Variants in GRIP1 observed in about 807,000 individuals in gnomAD.
GRIP1 encodes glutamate receptor-interacting protein 1.
Under a neutral mutation model 129.9 loss-of-function variants are expected in GRIP1, and 45 were observed. That is an observed-to-expected ratio of 0.35 (90% CI 0.27 to 0.44). The LOEUF is 0.44. GRIP1 is among the 20% of genes least tolerant of loss of function. The pLI, the probability that GRIP1 is intolerant of heterozygous loss-of-function variation, is 1.00. For synonymous variants in GRIP1, 530 were observed against 520.8 expected (o/e 1.02, Z -0.24); for missense variants, 1,196 against 1,396.8 (o/e 0.86, Z 2.29).
At chr12:66,939,462 A>C (rs891268976) in intron 1 of GRIP1, among the ~76,000 whole-genome samples, 9 of 152,200 alleles carry the variant, frequency 5.9e-5, no homozygotes, top group African/African-American at 1.9e-4. Flanking sequence ...GTAGCAGGAG[A>C]GGTAAGTATA....
intron 1 of GRIP1, among the ~76,000 whole-genome samples, chr12:66,980,275 T>C (rs1360431845): frequency 1.3e-5 from 2 of 152,190 alleles, no homozygotes; most frequent in Non-Finnish European, 2.9e-5. Flanking sequence ...AATGACAGCT[T>C]ACACATATTC....
intron 1 of GRIP1, among the ~76,000 whole-genome samples, chr12:66,942,397 C>T (rs1386183607): frequency 1.3e-5 from 2 of 151,718 alleles, no homozygotes; most frequent in Non-Finnish European, 2.9e-5. Context: ...CATAACATTG[C>T]TACTTCTGTT....
chr12:66,672,017 T>A (rs958368385), intron 1 of GRIP1, among the ~76,000 whole-genome samples: 1 of 152,182 alleles, frequency 6.6e-6, no homozygotes, highest in Non-Finnish European at 1.5e-5. Context: ...CTATGACAAG[T>A]GTGTGCTAAT....
chr12:67,053,189 T>A (rs2135857716), intron 1 of GRIP1, among the ~76,000 whole-genome samples: 1 of 152,268 alleles, frequency 6.6e-6, no homozygotes, highest in African/African-American at 2.4e-5. Context: ...AATGAATGCC[T>A]GAGGAATGCT....
intron 2 of GRIP1, among the ~76,000 whole-genome samples, chr12:66,570,246 T>C (rs1404870153): frequency 6.6e-6 from 1 of 152,050 alleles, no homozygotes; most frequent in East Asian, 1.9e-4. Context: ...GCCTCCTGAG[T>C]AGCTGGGAAT....
intron 1 of GRIP1, among the ~76,000 whole-genome samples, chr12:66,785,718 C>G (rs557944593): frequency 5.3e-5 from 8 of 151,904 alleles, no homozygotes; most frequent in Non-Finnish European, 1.2e-4. Context: ...TAAAATAAAG[C>G]CAAACAAAAC....
At chr12:66,418,106 C>T (rs186646615) in intron 15 of GRIP1, among the ~76,000 whole-genome samples, 2 of 152,184 alleles carry the variant, frequency 1.3e-5, no homozygotes, top group East Asian at 3.9e-4. Context: ...ACCAATGGAA[C>T]AGAATAGAGA....
chr12:66,350,161 G>A (rs1223598663), intron 24 of GRIP1, among the ~76,000 whole-genome samples: 4 of 151,792 alleles, frequency 2.6e-5, no homozygotes, highest in Non-Finnish European at 5.9e-5. Context: ...TTAACTGCTC[G>A]CTTTCAGTCC....
intron 1 of GRIP1, among the ~76,000 whole-genome samples, chr12:66,755,148 C>G (rs1234303682): frequency 6.6e-6 from 1 of 151,900 alleles, no homozygotes; most frequent in East Asian, 1.9e-4. Context: ...TAAAAAAATT[C>G]CAGAGTAGGA....
At chr12:66,997,833 A>T (rs7961054) in intron 1 of GRIP1, among the ~76,000 whole-genome samples, 126,165 of 152,142 alleles carry the variant, frequency 0.83, 52,819 homozygotes, top group African/African-American at 0.93. Context: ...AAACCTAGGT[A>T]TCTATGGCCT....
chr12:66,379,639 A>G (rs2056005645), intron 19 of GRIP1, among the ~76,000 whole-genome samples: 1 of 152,158 alleles, frequency 6.6e-6, no homozygotes, highest in African/African-American at 2.4e-5. Flanking sequence ...CCATCTTTGG[A>G]GGTAGATACT....
chr12:66,440,081 T>A (rs1414747370), intron 13 of GRIP1, among the ~76,000 whole-genome samples: 2 of 152,234 alleles, frequency 1.3e-5, no homozygotes, highest in Non-Finnish European at 2.9e-5. Flanking sequence ...CTTTTCACCC[T>A]TGCTTGACAG....
At chr12:66,902,369 G>A (rs1316326639) in intron 1 of GRIP1, among the ~76,000 whole-genome samples, 4 of 152,176 alleles carry the variant, frequency 2.6e-5, no homozygotes, top group African/African-American at 9.6e-5. Context: ...CCTTTACAAT[G>A]TGACATTAGT....
rs182321301 is a variant in GRIP1, at chr12:66,886,127, G to A, written c.58+182923C>T. ...AAAAATACAAACAAATTAGCCAGGC[G>A]TGGTGGGGCACGCCTGTAGTCCCAG... On this transcript the variant is annotated intron_variant, in intron 1 of 1. Coordinates refer to the GRIP1 transcript ENST00000643019. Among the ~76,000 whole-genome samples the A allele has an allele frequency of 4.9e-4, 74 of 152,152 alleles. 1 individual carries two copies. Among genetic ancestry groups the A allele is most frequent in the Admixed American group, 3.3e-3 (51 of 15,280 alleles).
chr12:66,442,354 C>A (rs12830213), intron 13 of GRIP1, among the ~76,000 whole-genome samples: 65,041 of 151,746 alleles, frequency 0.43, 14,606 homozygotes, highest in African/African-American at 0.56. Flanking sequence ...CTTTCCCTAG[C>A]ACGCCTCTTC....
intron 14 of GRIP1, among the ~76,000 whole-genome samples, chr12:66,422,626 AC>A (rs2057846913): frequency 6.6e-6 from 1 of 152,210 alleles, no homozygotes; most frequent in Non-Finnish European, 1.5e-5. Context: ...GTAAAACCAA[AC>A]AATAGTAGAG....
chr12:66,924,089 C>A (rs1219843688), intron 1 of GRIP1, among the ~76,000 whole-genome samples: 1 of 152,102 alleles, frequency 6.6e-6, no homozygotes, highest in East Asian at 1.9e-4. Flanking sequence ...AGGTGATTCA[C>A]CCCCCTCGGC....
intron 9 of GRIP1, 137 bp downstream of exon 9, chr12:66,462,787 G>A (rs2059170635): frequency 1.6e-6 from 1 of 610,804 alleles, no homozygotes; most frequent in Admixed American, 2.7e-5. Context: ...GGGGGACAGA[G>A]TGAGACTCCA....
intron 6 of GRIP1, 69 bp from the exon 7 acceptor site, chr12:66,515,833 T>G (rs754679260): frequency 1.2e-5 from 17 of 1,364,458 alleles, no homozygotes; most frequent in Non-Finnish European, 4.2e-6. Flanking sequence ...ATAGTCACTT[T>G]AGCCAAATTC....
Sources: allele counts gnomAD v4.1 joint callset (sites outside exome capture counted in the v4.1 genomes callset), GRCh38; gene constraint gnomAD v4.1.1; transcripts MANE v1.5; gene names NCBI Gene and HGNC (gene_info 2026-07-23, HGNC 2026-07-21).